The following HEATR5B variants were observed in gnomAD, a reference collection of about 807,000 sequenced individuals.
HEATR5B encodes the protein HEAT repeat containing 5B, also known as HEAT repeat-containing protein 5B.
HEATR5B carries 156 observed loss-of-function variants against 224.1 expected under a neutral mutation model. The observed-to-expected ratio is 0.70, with a 90% CI of 0.61 to 0.80. The LOEUF is 0.80. Among genes scored for constraint, HEATR5B ranks in the 30% least tolerant of loss-of-function variants. The pLI, the probability that HEATR5B is intolerant of heterozygous loss-of-function variation, is 0.00. For missense variants in HEATR5B, 2,323 were observed against 2,535.5 expected, an observed-to-expected ratio of 0.92 and a Z score of 1.80; for synonymous variants, 1,027 against 893.0, an observed-to-expected ratio of 1.15 and a Z score of -2.68.
intron 17 of HEATR5B, among the ~76,000 whole-genome samples, chr2:37,052,676 T>A (rs1413214187): frequency 6.6e-6 from 1 of 152,178 alleles, no homozygotes; most frequent in African/African-American, 2.4e-5. Flanking sequence ...TTGGGGCCAG[T>A]ATGAAGTAAA....
At chr2:37,051,210 G>C (rs973869649) in intron 17 of HEATR5B, among the ~76,000 whole-genome samples, 2 of 151,814 alleles carry the variant, frequency 1.3e-5, no homozygotes, top group East Asian at 1.9e-4. Context: ...ACAAAAATTA[G>C]CTGGGCATGA....
chr2:37,082,677 T>TA (rs1489676230), intron 2 of HEATR5B, among the ~76,000 whole-genome samples: 1 of 152,224 alleles, frequency 6.6e-6, no homozygotes, highest in Non-Finnish European at 1.5e-5. Flanking sequence ...TCGTTTCCCA[T>TA]AAGGGATACT....
rs35596017 is a variant in HEATR5B at position 36,981,824 on chromosome 2, A to G, written c.5912-30T>C. 8 of 1,504,584 alleles carry G rather than the reference A, an allele frequency of 5.3e-6. No individual in the cohort carries two copies. The African/African-American group carries it at 5.6e-5, about 11-fold the overall frequency. 93.2% of individuals were successfully genotyped at this position (1,504,584 alleles called of 1,614,324 possible). On this transcript the variant is annotated intron_variant, in intron 35 of 35. Transcript: ENST00000233099. ...AAATAATAAAGTATGAAAAAAGATC[A>G]CAAACATAAGGATTATAATAAACTT...
intron 3 of HEATR5B, among the ~76,000 whole-genome samples, chr2:37,078,778 C>A (rs1190539374): frequency 2.6e-5 from 4 of 152,152 alleles, no homozygotes; most frequent in Admixed American, 2.6e-4. Context: ...TAGGCATCTT[C>A]TCTTCTCAAA....
At chr2:37,026,040 A>G (rs958082975) in intron 24 of HEATR5B, among the ~76,000 whole-genome samples, 9 of 152,176 alleles carry the variant, frequency 5.9e-5, no homozygotes, top group African/African-American at 1.9e-4. Context: ...TATGGAGTCT[A>G]AAACATGGAG....
intron 33 of HEATR5B, among the ~76,000 whole-genome samples, chr2:36,991,932 T>TA (rs980782863): frequency 2.6e-5 from 4 of 152,048 alleles, no homozygotes; most frequent in African/African-American, 4.8e-5. Flanking sequence ...AAATAAAGTT[T>TA]AAAAAAAGAG....
rs1280417292 is a variant in HEATR5B, at chr2:37,072,300, A to T, written c.598-19T>A. On this transcript the variant is annotated intron_variant, in intron 5 of 35. Coordinates refer to ENST00000233099, the MANE Select transcript of HEATR5B (RefSeq NM_019024.3). The stretch of plus-strand genomic sequence containing the variant: ...GTAGACACTGGAATTAAAAACAAAA[A>T]AGTAAATAACATCCTATAACATCTG... 3 of 1,564,754 alleles carry T rather than the reference A, an allele frequency of 1.9e-6. No homozygotes were observed. In the South Asian group the frequency reaches 3.4e-5, roughly 18 times the overall value.
chr2:37,040,130 C>A (rs1669781657), intron 20 of HEATR5B, among the ~76,000 whole-genome samples, 199 bp downstream of exon 20: 2 of 152,198 alleles, frequency 1.3e-5, no homozygotes, highest in Non-Finnish European at 2.9e-5. Context: ...CAAACATTAT[C>A]ATGTCATAGG....
chr2:36,987,154 T>A (rs1426659632), intron 35 of HEATR5B, among the ~76,000 whole-genome samples: 1 of 152,148 alleles, frequency 6.6e-6, no homozygotes, highest in Non-Finnish European at 1.5e-5. Flanking sequence ...CTCGGCCAGG[T>A]GCAGCGGCTC....
chr2:37,081,552 T>C (rs1001495096), intron 2 of HEATR5B, among the ~76,000 whole-genome samples: 4 of 152,134 alleles, frequency 2.6e-5, no homozygotes, highest in African/African-American at 9.7e-5. Flanking sequence ...AGATCACGGT[T>C]TTTTTAAGCC....
Position 37,061,987 on chromosome 2 carries a change from G to A in HEATR5B, c.1648C>T (p.Gln550Ter), listed in dbSNP as rs1477753190. The A allele has an allele frequency of 6.2e-7, 1 of 1,613,912 alleles. No individual in the cohort carries two copies. The highest frequency in any genetic ancestry group is 2.2e-5 in the East Asian group (1 of 44,872). The change falls in exon 11 of 36, where the codon CAG becomes TAG. Residue 550 changes from glutamine to a stop codon, truncating the protein, a stop_gained. Coordinates refer to ENST00000233099, the MANE Select transcript of HEATR5B (RefSeq NM_019024.3). LOFTEE classifies it high-confidence loss of function. ...TAAQNSRLSL[Q>*]RTQAGWLLLG... ...AAAAGCCAGCCAGCTTGGGTGCGCT[G>A]TAAAGATAGCCTGCTATTTTGGGCA...
In HEATR5B at chr2:37,069,918, G is replaced by C. The variant is rs531161872; in HGVS notation, c.927+312C>G. Among the ~76,000 whole-genome samples, 4 of 123,870 alleles carry C rather than the reference G, an allele frequency of 3.2e-5. No individual in the cohort carries two copies. The South Asian group carries it at 1.0e-3, about 31-fold the overall frequency. The allele number at this position is 123,870 out of a possible 152,430, so 81.3% of individuals were successfully genotyped here. On this transcript the variant is annotated intron_variant, in intron 7 of 35. Transcript: ENST00000233099. ...ACAAAATCTTTTTTTTTTTTTTTGAGATGGAGTCTCGCTCTGTCACCCAGG... is the reference window on the plus strand; with the variant it reads ...ACAAAATCTTTTTTTTTTTTTTTGACATGGAGTCTCGCTCTGTCACCCAGG...
At chr2:37,027,037 G>A (rs1668824211) in intron 24 of HEATR5B, among the ~76,000 whole-genome samples, 2 of 152,160 alleles carry the variant, frequency 1.3e-5, no homozygotes, top group African/African-American at 2.4e-5. Context: ...GACCTCAAGT[G>A]ATCCACCTGC....
Position 37,028,861 on chromosome 2 carries a change from C to T in HEATR5B, c.3421G>A (p.Gly1141Ser), listed in dbSNP as rs765142939. The T allele has an allele frequency of 1.1e-5, 17 of 1,613,870 alleles. No homozygotes were observed. In the East Asian group the frequency reaches 3.6e-4, roughly 34 times the overall value. Residue 1141 changes from glycine to serine, a missense_variant, in exon 23 of 36, where the codon GGT (glycine) becomes AGT (serine). Around this residue, in one of 12 missense-constraint regions of HEATR5B, gnomAD observed 339 missense variants for 378.4 expected, o/e 0.90. Transcript: ENST00000233099. The stretch of plus-strand genomic sequence containing the variant: ...AGACCAGTTTCTGTTATATTAACAC[C>T]TTGGTGCCGGCAATGGATATCAGTT... Reference protein sequence around the residue: ...SRTDIHCRHQGVNITETGLEG... With the variant: ...SRTDIHCRHQSVNITETGLEG...
At chr2:37,057,612 AT>A (rs773626540) in intron 14 of HEATR5B, 132 bp from the exon 15 acceptor site, 67 of 565,632 alleles carry the variant, frequency 1.2e-4, no homozygotes, top group Non-Finnish European at 1.9e-4. Flanking sequence ...TTTAAAAAAA[AT>A]CTATATTTAA....
intron 24 of HEATR5B, among the ~76,000 whole-genome samples, chr2:37,025,386 C>A (rs1668705161): frequency 6.6e-6 from 1 of 151,002 alleles, no homozygotes; most frequent in Non-Finnish European, 1.5e-5. Flanking sequence ...AAGAAAAATG[C>A]AACCAGGGAA....
intron 21 of HEATR5B, among the ~76,000 whole-genome samples, chr2:37,035,356 T>C (rs1405746674): frequency 6.6e-6 from 1 of 152,218 alleles, no homozygotes; most frequent in Non-Finnish European, 1.5e-5. Context: ...TGGTACCATG[T>C]GCCACAGTCG....
intron 15 of HEATR5B, 55 bp downstream of exon 15, chr2:37,057,262 A>G: frequency 7.4e-7 from 1 of 1,349,488 alleles, no homozygotes; most frequent in Non-Finnish European, 1.0e-6. Flanking sequence ...ACAATGTGTA[A>G]TAGGACCATT....
In HEATR5B at chr2:37,005,734, G is replaced by T. The variant is rs755668247; in HGVS notation, c.4803C>A (p.Ser1601=). 5.6e-6 allele frequency: 9 copies of T among 1,597,516 alleles called. No individual in the cohort carries two copies. In the South Asian group the frequency reaches 1.0e-4, roughly 18 times the overall value. ...ILGVSIQFLC[S]PRPEEPIEHV... ...GTTCAATGGGCTCCTCAGGTCTAGGGGAACAAAGAAACTGTATACTCACAC... is the reference window on the plus strand; with the variant it reads ...GTTCAATGGGCTCCTCAGGTCTAGGTGAACAAAGAAACTGTATACTCACAC... The change falls in exon 30 of 36, where the codon TCC becomes TCA. Residue 1601 remains serine (S), a synonymous_variant. Coordinates refer to ENST00000233099, the MANE Select transcript of HEATR5B (RefSeq NM_019024.3).
Sources: gnomAD v4.1 joint callset for allele counts (sites outside exome capture counted in the v4.1 genomes callset) on GRCh38, gnomAD v4.1.1 for gene constraint, gnomAD v4.1.1 regional missense constraint, MANE v1.5 for transcripts, NCBI Gene and HGNC (gene_info 2026-07-23, HGNC 2026-07-21) for gene names.